MICAL3: variants seen among roughly 807,000 people sequenced by gnomAD.
MICAL3 encodes the protein [F-actin]-monooxygenase MICAL3.
A neutral mutation model predicts 207.4 loss-of-function variants in MICAL3; 62 were observed. The ratio of observed to expected loss-of-function variants is 0.30; its 90% CI spans 0.24 to 0.37. The LOEUF (loss-of-function observed/expected upper bound fraction) is 0.37, where lower values mean the gene tolerates loss of function less well. Ranked by LOEUF, MICAL3 falls within the 10% of genes least tolerant of loss-of-function variation. MICAL3 has a pLI of 1.00. For synonymous variants in MICAL3, 1,077 were observed against 1,069.3 expected, an observed-to-expected ratio of 1.01 and a Z score of -0.14; for missense variants, 2,368 against 2,635.6, an observed-to-expected ratio of 0.90 and a Z score of 2.22.
intron 20 of MICAL3, among the ~76,000 whole-genome samples, chr22:17,838,507 G>A (rs939162346): frequency 6.6e-6 from 1 of 152,148 alleles, no homozygotes; most frequent in Admixed American, 6.5e-5. Context: ...TCAAGGCTTC[G>A]TCCGTGCTTT....
chr22:17,881,176 A>G, intron 16 of MICAL3: 1 of 1,573,702 alleles, frequency 6.4e-7, no homozygotes, highest in East Asian at 2.2e-5. Context: ...AGACAGAGAC[A>G]GGAACATGGA....
At chr22:17,871,797 C>A (rs762141797) in intron 17 of MICAL3, 40 bp downstream of exon 17, 3 of 1,547,938 alleles carry the variant, frequency 1.9e-6, no homozygotes, top group Admixed American at 3.8e-5. Flanking sequence ...ACTGTCCAAG[C>A]ACAGTTTCTC....
At chr22:17,948,057 A>G (rs1934158349) in intron 1 of MICAL3, among the ~76,000 whole-genome samples, 1 of 151,854 alleles carries the variant, frequency 6.6e-6, no homozygotes, top group Non-Finnish European at 1.5e-5. Flanking sequence ...TGCTCCTGTA[A>G]AGCAAGGCAC....
At chr22:17,904,603 A>C (rs781099225) in intron 3 of MICAL3, 29 bp downstream of exon 3, 2 of 1,553,622 alleles carry the variant, frequency 1.3e-6, no homozygotes, top group African/African-American at 1.4e-5. Context: ...GGTAGGGTGG[A>C]ATCTTACAGG....
At chr22:17,805,540 C>T (rs568515155) in intron 29 of MICAL3, among the ~76,000 whole-genome samples, 2 of 152,318 alleles carry the variant, frequency 1.3e-5, no homozygotes, top group South Asian at 4.1e-4. Context: ...AGAACAGAAA[C>T]ATCTTTGGAT....
At chr22:17,868,864 C>G (rs1043716332) in intron 17 of MICAL3, among the ~76,000 whole-genome samples, 1 of 151,734 alleles carries the variant, frequency 6.6e-6, no homozygotes, top group African/African-American at 2.4e-5. Flanking sequence ...CCACTGAGTG[C>G]CCCCAGGCAA....
intron 19 of MICAL3, chr22:17,861,120 G>C: frequency 1.0e-6 from 1 of 985,362 alleles, no homozygotes; most frequent in Non-Finnish European, 1.2e-6. Context: ...TAAATGCCTA[G>C]AAGGGAAGGG....
chr22:17,974,512 G>T (rs1935550252), intron 1 of MICAL3, among the ~76,000 whole-genome samples: 1 of 152,200 alleles, frequency 6.6e-6, no homozygotes, highest in Non-Finnish European at 1.5e-5. Flanking sequence ...GGGAGGTGGA[G>T]GTTGGCGTTC....
chr22:17,893,283 C>A (rs1448055839), intron 11 of MICAL3, among the ~76,000 whole-genome samples: 1 of 152,162 alleles, frequency 6.6e-6, no homozygotes, highest in African/African-American at 2.4e-5. Flanking sequence ...CCTCCTCCAA[C>A]CCCTCTCACG....
chr22:17,800,268 T>C (rs1246229556), intron 29 of MICAL3, among the ~76,000 whole-genome samples: 1 of 152,104 alleles, frequency 6.6e-6, no homozygotes, highest in Admixed American at 6.5e-5. Flanking sequence ...AAACTAGAAA[T>C]TATGTGTGTG....
In MICAL3 at chr22:17,866,022, G is replaced by C. The variant is rs1927071234; in HGVS notation, c.2429-10C>G. On this transcript the variant is annotated splice_polypyrimidine_tract_variant and intron_variant, in intron 17 of 31. Coordinates refer to ENST00000441493, the MANE Select transcript of MICAL3 (RefSeq NM_015241.3). ...TTACAGTAGAATTTACCTGCAGACA[G>C]CAAGAGGCAGGGACAGAGGCGATGA... is the stretch of plus-strand genomic sequence containing the variant. 1 of 1,604,510 alleles carries C rather than the reference G, an allele frequency of 6.2e-7. No homozygotes were observed. The highest frequency in any genetic ancestry group is 8.5e-7 in the Non-Finnish European group (1 of 1,171,298).
chr22:17,902,686 G>A lies in MICAL3; in HGVS notation c.534C>T (p.His178=), dbSNP rs779400305. 8.1e-6 allele frequency: 13 copies of A among 1,607,784 alleles called. No individual in the cohort carries two copies. The highest frequency in any genetic ancestry group is 2.7e-5 in the African/African-American group (2 of 74,856). ...TAAGTCCTTGGAATTCCACATTGAC[G>A]TGGATTTCAATGCCTAGGATCAAGG... The part of the protein sequence containing the change: ...KVALILGIEI[H]VNVEFQGLIQ... The change falls in exon 4 of 32, where the codon CAC becomes CAT. Residue 178 remains histidine (H), a synonymous_variant. Coordinates refer to ENST00000441493, the MANE Select transcript of MICAL3 (RefSeq NM_015241.3). The surrounding 1 kb of genome is among the most constrained non-coding windows in gnomAD (Gnocchi z 4.5).
chr22:18,016,156 T>C (rs1256699631), intron 1 of MICAL3, among the ~76,000 whole-genome samples: 2 of 152,342 alleles, frequency 1.3e-5, no homozygotes, highest in East Asian at 3.9e-4. Context: ...AAATATGGAA[T>C]TTTACTGTAA....
At chr22:17,852,070 G>T in intron 19 of MICAL3, among the ~76,000 whole-genome samples, 1 of 152,148 alleles carries the variant, frequency 6.6e-6, no homozygotes, top group East Asian at 1.9e-4. Flanking sequence ...AGCCAGCTCT[G>T]ATGTGACCCT....
rs1260774225 is a variant in MICAL3 at position 17,887,393 on chromosome 22, G to A, written c.1934C>T (p.Ala645Val). ...GAAGGAGATAGGGGATCTGGTGCTG[G>A]CTATCAGGACTGCTTTCTCCTCGGC... is the stretch of plus-strand genomic sequence containing the variant. ...LNAEEKAVLI[A>V]STRSPISFLS... Residue 645 changes from alanine (A) to valine (V), a missense_variant, in exon 14 of 32, where the codon GCC becomes GTC. By Grantham distance (64) the Ala-to-Val change is moderately conservative (BLOSUM62 0). Coordinates refer to ENST00000441493, the MANE Select transcript of MICAL3 (RefSeq NM_015241.3). 1.9e-6 allele frequency: 3 copies of A among 1,613,848 alleles called. No individual in the cohort carries two copies. Among genetic ancestry groups the A allele is most frequent in the East Asian group, 2.2e-5 (1 of 44,900 alleles).
intron 1 of MICAL3, among the ~76,000 whole-genome samples, chr22:17,962,289 A>C (rs1218629833): frequency 1.3e-5 from 2 of 152,246 alleles, no homozygotes; most frequent in Admixed American, 6.5e-5. Context: ...GTCGGGGTAC[A>C]GAGCTGGGAT....
At chr22:17,804,201 G>A (rs544417418) in intron 29 of MICAL3, among the ~76,000 whole-genome samples, 1 of 152,260 alleles carries the variant, frequency 6.6e-6, no homozygotes, top group Admixed American at 6.5e-5. Flanking sequence ...CCTGCCCCTG[G>A]GACTGAACCT....
chr22:17,804,329 T>C (rs1401458320), intron 29 of MICAL3, among the ~76,000 whole-genome samples: 1 of 152,168 alleles, frequency 6.6e-6, no homozygotes, highest in South Asian at 2.1e-4. Context: ...CTGAAATCCT[T>C]AGGTTTCGTG....
chr22:17,817,277 C>T (rs1017146762), intron 26 of MICAL3, 34 bp downstream of exon 26: 10 of 1,547,616 alleles, frequency 6.5e-6, no homozygotes, highest in Non-Finnish European at 8.7e-6. Flanking sequence ...ACCCCTCCCG[C>T]TCTGCCTGCA....
Sources: gnomAD v4.1 joint callset for allele counts (sites outside exome capture counted in the v4.1 genomes callset) on GRCh38, gnomAD v4.1.1 for gene constraint, Gnocchi (gnomAD v3.1) non-coding constraint, MANE v1.5 for transcripts, NCBI Gene and HGNC (gene_info 2026-07-23, HGNC 2026-07-21) for gene names.